EPS15: variants seen among roughly 807,000 people sequenced by gnomAD.
EPS15 encodes the protein epidermal growth factor receptor substrate 15.
EPS15 carries 72 observed loss-of-function variants against 113.8 expected under a neutral mutation model. The ratio of observed to expected loss-of-function variants is 0.63; its 90% CI spans 0.52 to 0.77. EPS15 has a LOEUF of 0.77. Among genes scored for constraint, EPS15 ranks in the 30% least tolerant of loss-of-function variants. EPS15 has a pLI of 0.00. For missense variants in EPS15, 1,048 were observed against 1,045.8 expected (o/e 1.00, Z -0.03); for synonymous variants, 344 against 363.4 (o/e 0.95, Z 0.61).
intron 21 of EPS15, among the ~76,000 whole-genome samples, chr1:51,385,121 G>C (rs776850932): frequency 1.2e-4 from 18 of 151,998 alleles, no homozygotes; most frequent in Admixed American, 3.3e-4. Flanking sequence ...GTTCACCAAC[G>C]GACAGTACTA....
chr1:51,406,217 T>C, intron 15 of EPS15, 109 bp from the exon 16 acceptor site: 1 of 881,936 alleles, frequency 1.1e-6, no homozygotes, highest in Non-Finnish European at 1.7e-6. Context: ...AGCTCATGCC[T>C]ATAATCTCAA....
At chr1:51,408,834 C>CTGTT (rs778159154) in intron 14 of EPS15, among the ~76,000 whole-genome samples, 14 of 143,610 alleles carry the variant, frequency 9.7e-5, no homozygotes, top group Admixed American at 2.8e-4. Context: ...GAGTCTCGCT[C>CTGTT]TGTTGCCCAG....
intron 21 of EPS15, among the ~76,000 whole-genome samples, chr1:51,377,999 A>T: frequency 6.6e-6 from 1 of 151,112 alleles, no homozygotes; most frequent in East Asian, 1.9e-4. Flanking sequence ...GGGTTCAAGC[A>T]ATTCTCCTGC....
At chr1:51,365,247 A>AT (rs1646482894) in intron 22 of EPS15, among the ~76,000 whole-genome samples, 1 of 152,242 alleles carries the variant, frequency 6.6e-6, no homozygotes, top group African/African-American at 2.4e-5. Context: ...AATGCTCAAC[A>AT]TTGACATTTC....
intron 1 of EPS15, among the ~76,000 whole-genome samples, chr1:51,495,336 TA>T (rs1644306523): frequency 1.3e-5 from 2 of 151,072 alleles, no homozygotes; most frequent in Admixed American, 1.3e-4. Context: ...AAGTGAGTTT[TA>T]TTTATTTTTA....
At chr1:51,472,544 G>C (rs1437190525) in intron 3 of EPS15, among the ~76,000 whole-genome samples, 2 of 152,162 alleles carry the variant, frequency 1.3e-5, no homozygotes, top group Non-Finnish European at 2.9e-5. Context: ...AGAGGAAGTA[G>C]GGATAGAGCC....
chr1:51,395,045 T>G (rs1390341723), intron 20 of EPS15, among the ~76,000 whole-genome samples: 3 of 152,100 alleles, frequency 2.0e-5, no homozygotes, highest in Non-Finnish European at 4.4e-5. Context: ...ATTTTTGTTA[T>G]TATTTGTATA....
chr1:51,456,443 T>C (rs1323985460), intron 8 of EPS15, among the ~76,000 whole-genome samples: 1 of 152,092 alleles, frequency 6.6e-6, no homozygotes, highest in African/African-American at 2.4e-5. Context: ...AACAAAAAGA[T>C]TCCTATGTTC....
chr1:51,380,037 G>A (rs1646903198), intron 21 of EPS15, among the ~76,000 whole-genome samples: 1 of 149,932 alleles, frequency 6.7e-6, no homozygotes, highest in South Asian at 2.1e-4. Context: ...TTCCAGCCTG[G>A]AGTGAGACTC....
chr1:51,447,288 A>G (rs1653143055), intron 9 of EPS15, among the ~76,000 whole-genome samples, 183 bp from the exon 10 acceptor site: 1 of 152,230 alleles, frequency 6.6e-6, no homozygotes, highest in Admixed American at 6.5e-5. Context: ...AGAAAATAAC[A>G]GAAGAAAATA....
intron 12 of EPS15, among the ~76,000 whole-genome samples, chr1:51,431,640 T>A (rs892006338): frequency 2.0e-5 from 3 of 152,040 alleles, no homozygotes; most frequent in African/African-American, 7.2e-5. Context: ...GAGACGGGGT[T>A]TCACCTTATT....
At chr1:51,491,056 A>C (rs1265377733) in intron 1 of EPS15, among the ~76,000 whole-genome samples, 3 of 152,192 alleles carry the variant, frequency 2.0e-5, no homozygotes. Flanking sequence ...GTGGCAAATC[A>C]GGCAGTAAGA....
intron 21 of EPS15, among the ~76,000 whole-genome samples, chr1:51,384,284 CTT>C (rs1448740287): frequency 6.1e-5 from 8 of 130,548 alleles, no homozygotes; most frequent in Non-Finnish European, 9.7e-5. Flanking sequence ...CAGTCTTTTT[CTT>C]TTTCTTTCTT....
intron 12 of EPS15, chr1:51,423,726 G>A (rs1161587213): frequency 1.0e-6 from 1 of 985,272 alleles, no homozygotes; most frequent in Non-Finnish European, 1.2e-6. Context: ...GTGCATGCAG[G>A]AAAACAGGGC....
At chr1:51,430,796 A>AT (rs892395565) in intron 12 of EPS15, among the ~76,000 whole-genome samples, 18 of 148,592 alleles carry the variant, frequency 1.2e-4, no homozygotes, top group African/African-American at 2.2e-4. Flanking sequence ...TCTCTATAAA[A>AT]TTTTTTTTTT....
chr1:51,481,383 TCAA>T, intron 1 of EPS15, 69 bp from the exon 2 acceptor site: 1 of 754,638 alleles, frequency 1.3e-6, no homozygotes, highest in Non-Finnish European at 2.4e-6. Context: ...TGGCATTCAT[TCAA>T]CAGATATTTG....
chr1:51,496,314 T>A (rs997003447), intron 1 of EPS15, among the ~76,000 whole-genome samples: 1 of 152,184 alleles, frequency 6.6e-6, no homozygotes, highest in African/African-American at 2.4e-5. Flanking sequence ...TTATAATCAA[T>A]GTTACTATTA....
chr1:51,513,739 C>T (rs987990848), intron 1 of EPS15, among the ~76,000 whole-genome samples: 2 of 152,110 alleles, frequency 1.3e-5, no homozygotes, highest in African/African-American at 2.4e-5. Flanking sequence ...ATAGGTTACG[C>T]TTTGTTAAGT....
At chr1:51,461,687 T>C (rs139909943) in intron 7 of EPS15, 1 of 152,338 alleles carries the variant, frequency 6.6e-6, no homozygotes, top group African/African-American at 2.4e-5. Flanking sequence ...ACAGTGTATT[T>C]ATAGTTTAGA....
Sources: allele counts gnomAD v4.1 joint callset (sites outside exome capture counted in the v4.1 genomes callset), GRCh38; gene constraint gnomAD v4.1.1; transcripts MANE v1.5; gene names NCBI Gene and HGNC (gene_info 2026-07-23, HGNC 2026-07-21).